LASP1: variants seen among roughly 807,000 people sequenced by gnomAD.
LASP1 encodes the protein LIM and SH3 domain protein 1.
LASP1 carries 10 observed loss-of-function variants against 38.6 expected under a neutral mutation model. That is an observed-to-expected ratio of 0.26 (90% confidence interval 0.16 to 0.44). The LOEUF (loss-of-function observed/expected upper bound fraction) is 0.44. Among genes scored for constraint, LASP1 ranks in the 20% least tolerant of loss-of-function variants. The pLI, the probability that LASP1 is intolerant of heterozygous loss-of-function variation, is 1.00. For missense variants in LASP1, 243 were observed against 375.7 expected (o/e 0.65, Z 2.92); for synonymous variants, 132 against 140.8 (o/e 0.94, Z 0.44).
chr17:38,899,889 C>T (rs1914592517), intron 4 of LASP1, among the ~76,000 whole-genome samples: 1 of 151,822 alleles, frequency 6.6e-6, no homozygotes. Flanking sequence ...ACCACCACCC[C>T]CGGCCAATTT....
At chr17:38,890,163 C>T (rs927526307) in intron 2 of LASP1, 13 of 457,428 alleles carry the variant, frequency 2.8e-5, no homozygotes, top group African/African-American at 5.9e-5. Context: ...GCCATCCTTT[C>T]GCTCAGGACA....
intron 1 of LASP1, among the ~76,000 whole-genome samples, chr17:38,876,485 C>A (rs536767520): frequency 6.6e-6 from 1 of 152,022 alleles, no homozygotes; most frequent in Non-Finnish European, 1.5e-5. Context: ...CTCAGCCTCC[C>A]GAGTAGCTGG....
intron 2 of LASP1, among the ~76,000 whole-genome samples, chr17:38,886,414 C>T (rs1035410824): frequency 6.6e-6 from 1 of 152,128 alleles, no homozygotes; most frequent in East Asian, 1.9e-4. Context: ...GGGGAAGGAG[C>T]TTGGAGGCTC....
chr17:38,904,383 T>C (rs13342251), intron 4 of LASP1: 32,605 of 151,998 alleles, frequency 0.21, 3,610 homozygotes, highest in South Asian at 0.26. Context: ...ACCTGAGGTC[T>C]GGAGTTCAAG....
At chr17:38,895,229 C>T (rs992011746) in intron 3 of LASP1, among the ~76,000 whole-genome samples, 22 of 150,522 alleles carry the variant, frequency 1.5e-4, no homozygotes, top group Non-Finnish European at 1.5e-5. Flanking sequence ...AGGCTGGTCT[C>T]GAACTCCTGG....
chr17:38,915,337 G>C, intron 6 of LASP1, 191 bp downstream of exon 6: 1 of 526,604 alleles, frequency 1.9e-6, no homozygotes, highest in Non-Finnish European at 3.4e-6. Context: ...CTGGGGCCCT[G>C]CGTTCCAGCC....
rs149423570 is a variant in LASP1 at position 38,915,118 on chromosome 17, T to C, written c.584T>C (p.Ile195Thr). Residue 195 changes from isoleucine to threonine, a missense_variant, in exon 6 of 7, where the codon ATA (isoleucine) becomes ACA (threonine). Ile to Thr is a moderately conservative substitution (Grantham distance 89). Coordinates refer to ENST00000318008, the MANE Select transcript of LASP1 (RefSeq NM_006148.4). The stretch of plus-strand genomic sequence containing the variant: ...AAGGAGCCTGCAGCCCCAGTCTCCA[T>C]ACAGCGCAGCGCCCCAGGTGGTGGC... ...GYKEPAAPVS[I>T]QRSAPGGGGK... 389 of 1,613,816 alleles carry C rather than the reference T, an allele frequency of 2.4e-4. No homozygotes were observed. The highest frequency in any genetic ancestry group is 2.9e-4 in the Non-Finnish European group (346 of 1,179,978).
At chr17:38,894,503 G>C (rs974937095) in intron 3 of LASP1, among the ~76,000 whole-genome samples, 1 of 152,104 alleles carries the variant, frequency 6.6e-6, no homozygotes, top group African/African-American at 2.4e-5. Flanking sequence ...GAATAATGTG[G>C]ATTACCTCTC....
intron 2 of LASP1, among the ~76,000 whole-genome samples, chr17:38,888,342 A>T (rs1914207343): frequency 6.6e-6 from 1 of 151,168 alleles, no homozygotes; most frequent in South Asian, 2.1e-4. Context: ...ACAGTGGCGG[A>T]TCTTGGCTCA....
chr17:38,872,491 C>T (rs1247090167), intron 1 of LASP1, among the ~76,000 whole-genome samples: 1 of 152,160 alleles, frequency 6.6e-6, no homozygotes, highest in Non-Finnish European at 1.5e-5. Flanking sequence ...AGAGACCTCG[C>T]CCCCTGTACT....
In LASP1 at chr17:38,919,291, G is replaced by C. The variant is rs1041359020; in HGVS notation, c.*513G>C. 9 of 240,600 alleles carry C rather than the reference G, an allele frequency of 3.7e-5. No homozygotes were observed. The highest frequency in any genetic ancestry group is 2.4e-3 in the Middle Eastern group (2 of 828). The allele number at this position is 240,600 out of a possible 1,614,324, so 14.9% of individuals were successfully genotyped here. A position where few individuals can be genotyped will look rare whatever the true frequency, so the allele number is the denominator to read the frequency against. Reference sequence around the variant, plus strand: ...GGGCTCTACCTCTCTTTCTCAAAGAGGGGGCTCTGCCCACCTGGGGTCTCT... The same window carrying C: ...GGGCTCTACCTCTCTTTCTCAAAGACGGGGCTCTGCCCACCTGGGGTCTCT... On this transcript the variant is annotated 3_prime_UTR_variant, in exon 7 of 7. Transcript: ENST00000318008.
chr17:38,877,179 A>T (rs1486372500), intron 1 of LASP1, among the ~76,000 whole-genome samples: 1 of 152,182 alleles, frequency 6.6e-6, no homozygotes, highest in Non-Finnish European at 1.5e-5. Flanking sequence ...TGCTGTGCTG[A>T]GGGCTTTGAA....
At chr17:38,880,893 G>C (rs955726243) in intron 2 of LASP1, among the ~76,000 whole-genome samples, 1 of 152,104 alleles carries the variant, frequency 6.6e-6, no homozygotes, top group Admixed American at 6.6e-5. Context: ...ATCACTTAAG[G>C]TCAGGAGTTC....
intron 2 of LASP1, among the ~76,000 whole-genome samples, chr17:38,886,290 G>GCTGGGGA (rs930207707): frequency 6.6e-6 from 1 of 151,238 alleles, no homozygotes; most frequent in Non-Finnish European, 1.5e-5. Flanking sequence ...AGGGCTGGGG[G>GCTGGGGA]CTGGGGACTG....
At position 38,919,018 on chromosome 17, in the gene LASP1, G is replaced by A. The variant is rs1043366092; in HGVS notation, c.*240G>A. On this transcript the variant is annotated 3_prime_UTR_variant, in exon 7 of 7. Transcript: ENST00000318008. ...TTTTCTCTCTGGATGGAACGGGCAT[G>A]GGCCTCTCTGGGGGAGGCAGGGCTG... 51 of 403,230 alleles carry A rather than the reference G, an allele frequency of 1.3e-4. No homozygotes were observed. The highest frequency in any genetic ancestry group is 2.1e-4 in the Non-Finnish European group (49 of 232,660). The allele number at this position is 403,230 out of a possible 1,614,324, so 25.0% of individuals were successfully genotyped here. A position where few individuals can be genotyped will look rare whatever the true frequency, so the allele number is the denominator to read the frequency against.
intron 4 of LASP1, among the ~76,000 whole-genome samples, chr17:38,912,395 A>G (rs1233797642): frequency 6.6e-6 from 1 of 151,446 alleles, no homozygotes; most frequent in African/African-American, 2.4e-5. Context: ...GGGTCAGGGT[A>G]GGGCCAGGGT....
At chr17:38,880,625 T>C (rs763929263) in intron 2 of LASP1, among the ~76,000 whole-genome samples, 1 of 152,212 alleles carries the variant, frequency 6.6e-6, no homozygotes, top group Non-Finnish European at 1.5e-5. Flanking sequence ...GGGGGCTTTG[T>C]GACCCAGCTG....
chr17:38,890,170 G>T, intron 2 of LASP1: 2 of 511,880 alleles, frequency 3.9e-6, no homozygotes, highest in Non-Finnish European at 3.6e-6. Context: ...TTTCGCTCAG[G>T]ACAGTTCTCC....
intron 2 of LASP1, among the ~76,000 whole-genome samples, chr17:38,887,674 G>A (rs1914182078): frequency 6.6e-6 from 1 of 152,176 alleles, no homozygotes; most frequent in Non-Finnish European, 1.5e-5. Flanking sequence ...TCTGGATCCG[G>A]GACAGTGAAA....
Sources: gnomAD v4.1 joint callset for allele counts (sites outside exome capture counted in the v4.1 genomes callset) on GRCh38, gnomAD v4.1.1 for gene constraint, MANE v1.5 for transcripts, NCBI Gene and HGNC (gene_info 2026-07-23, HGNC 2026-07-21) for gene names.